The following ALX4 variants were observed in gnomAD, a reference collection of about 807,000 sequenced individuals.
The protein encoded by ALX4 is ALX homeobox 4.
In ALX4, 22 loss-of-function variants were observed where a neutral mutation model predicts 40.6. The observed-to-expected ratio is 0.54, with a 90% CI of 0.39 to 0.77. The LOEUF is 0.77. ALX4 is among the 30% of genes least tolerant of loss of function. The pLI is 0.00. For synonymous variants in ALX4, 266 were observed against 240.5 expected, an observed-to-expected ratio of 1.11 and a Z score of -0.98; for missense variants, 556 against 564.8, an observed-to-expected ratio of 0.98 and a Z score of 0.16.
intron 1 of ALX4, among the ~76,000 whole-genome samples, chr11:44,294,615 T>G (rs935948237): frequency 5.3e-5 from 8 of 152,044 alleles, no homozygotes; most frequent in African/African-American, 1.9e-4. Context: ...CACTCATCCA[T>G]GTTTTAAAAG....
intron 1 of ALX4, among the ~76,000 whole-genome samples, chr11:44,307,664 G>A (rs1030009968): frequency 6.6e-6 from 1 of 152,234 alleles, no homozygotes; most frequent in African/African-American, 2.4e-5. Flanking sequence ...TCTGCGACCT[G>A]CCCTCACCTA....
At chr11:44,300,171 G>A (rs1055448049) in intron 1 of ALX4, among the ~76,000 whole-genome samples, 1 of 152,176 alleles carries the variant, frequency 6.6e-6, no homozygotes, top group Non-Finnish European at 1.5e-5. Flanking sequence ...GGGGAAGAGT[G>A]TGGGGTCCTG....
intron 1 of ALX4, among the ~76,000 whole-genome samples, chr11:44,289,771 A>C (rs2119847758): frequency 6.6e-6 from 1 of 152,280 alleles, no homozygotes; most frequent in Middle Eastern, 3.4e-3. Context: ...TTCCAGCTTC[A>C]GTCTGGGCTC....
At chr11:44,282,783 G>A (rs1315915264) in intron 1 of ALX4, among the ~76,000 whole-genome samples, 1 of 151,298 alleles carries the variant, frequency 6.6e-6, no homozygotes, top group Non-Finnish European at 1.5e-5. Flanking sequence ...GCAAAACTAC[G>A]GGGACTCTAG....
chr11:44,307,281 G>T (rs1279192892), intron 1 of ALX4, among the ~76,000 whole-genome samples: 1 of 152,208 alleles, frequency 6.6e-6, no homozygotes, highest in Non-Finnish European at 1.5e-5. Flanking sequence ...TGCAGATGAG[G>T]AAACCGGGGT....
chr11:44,304,425 C>T (rs1461854354), intron 1 of ALX4, among the ~76,000 whole-genome samples: 2 of 152,182 alleles, frequency 1.3e-5, no homozygotes, highest in Non-Finnish European at 1.5e-5. Context: ...TCTCTTCTCT[C>T]CGGCATACAC....
chr11:44,278,410 G>A (rs1452419979), intron 1 of ALX4, among the ~76,000 whole-genome samples: 3 of 152,176 alleles, frequency 2.0e-5, no homozygotes, highest in African/African-American at 7.2e-5. Flanking sequence ...AGGAACCCAG[G>A]GGCCTCATAT....
chr11:44,294,378 G>T (rs910602990), intron 1 of ALX4, among the ~76,000 whole-genome samples: 1 of 152,204 alleles, frequency 6.6e-6, no homozygotes, highest in African/African-American at 2.4e-5. Context: ...TGATCAGAGA[G>T]GAACACAGCA....
chr11:44,280,564 T>C (rs186118964), intron 1 of ALX4, among the ~76,000 whole-genome samples: 1 of 152,288 alleles, frequency 6.6e-6, no homozygotes, highest in Admixed American at 6.5e-5. Flanking sequence ...CCTCCCATGA[T>C]GAGTTTGTCC....
chr11:44,266,756 C>T (rs1011392033), intron 3 of ALX4, among the ~76,000 whole-genome samples: 32 of 152,192 alleles, frequency 2.1e-4, no homozygotes, highest in African/African-American at 7.5e-4. Context: ...CTCTAAGCAT[C>T]CCATGTGCCT....
intron 1 of ALX4, among the ~76,000 whole-genome samples, chr11:44,303,923 C>G (rs1440145360): frequency 6.6e-6 from 1 of 152,172 alleles, no homozygotes; most frequent in African/African-American, 2.4e-5. Context: ...GGGGTGTCCC[C>G]GGTTTATACA....
intron 1 of ALX4, among the ~76,000 whole-genome samples, chr11:44,278,018 T>A (rs1460928922): frequency 6.6e-6 from 1 of 152,000 alleles, no homozygotes; most frequent in East Asian, 1.9e-4. Flanking sequence ...TAGGTTTTTT[T>A]TTTTTTTTTT....
intron 1 of ALX4, among the ~76,000 whole-genome samples, chr11:44,298,502 G>C (rs140886493): frequency 6.6e-6 from 1 of 152,196 alleles, no homozygotes; most frequent in African/African-American, 2.4e-5. Flanking sequence ...AGCACCCTGG[G>C]CAGGTGGCAG....
chr11:44,264,755 C>A lies in ALX4; in HGVS notation c.*99G>T. The A allele has an allele frequency of 7.2e-7, 1 of 1,397,652 alleles. No individual in the cohort carries two copies. The highest frequency in any genetic ancestry group is 9.8e-7 in the Non-Finnish European group (1 of 1,021,380). The allele number at this position is 1,397,652 out of a possible 1,614,324, so 86.6% of individuals were successfully genotyped here. On this transcript the variant is annotated 3_prime_UTR_variant, in exon 4 of 4. Coordinates refer to ENST00000652299, the MANE Select transcript of ALX4 (RefSeq NM_021926.4). ...TGAGGGTCAGGCCCCTGGCCCAGGC[C>A]AGGTTCCTAAGAGGAAAGTCGAGTG...
rs115077000 is a variant in ALX4 at position 44,297,108 on chromosome 11, C to T, written c.466+12489G>A. ...GGGTGGGGGGTCAAGGGTGTGATGGCGGTTCCCGTTTAATAGGTATGGAGT... is the reference window on the plus strand; with the variant it reads ...GGGTGGGGGGTCAAGGGTGTGATGGTGGTTCCCGTTTAATAGGTATGGAGT... On this transcript the variant is annotated intron_variant, in intron 1 of 3. Transcript: ENST00000652299. Among the ~76,000 whole-genome samples, 1,341 of 149,202 alleles carry T rather than the reference C, an allele frequency of 9.0e-3. 20 individuals are homozygous for T. The highest frequency in any genetic ancestry group is 0.031 in the African/African-American group (1,258 of 40,368).
rs550822655 is a variant in ALX4 at position 44,306,655 on chromosome 11, T to C, written c.466+2942A>G. ...CTGCCTCCGACTTTCCCAATGCTCC[T>C]GGGAGCGTCTAAGGATTTTTCCTTG... On this transcript the variant is annotated intron_variant, in intron 1 of 3. Coordinates refer to ENST00000652299, the MANE Select transcript of ALX4 (RefSeq NM_021926.4). 2.6e-5 allele frequency among the ~76,000 whole-genome samples: 4 copies of C among 152,368 alleles called. No homozygotes were observed. The South Asian group carries it at 8.3e-4, about 32-fold the overall frequency.
rs140652481 is a variant in ALX4 at position 44,265,055 on chromosome 11, G to A, written c.1035C>T (p.Ser345=). Residue 345 remains serine (S), a synonymous_variant, in exon 4 of 4, where the codon AGC becomes AGT. Coordinates refer to ENST00000652299, the MANE Select transcript of ALX4 (RefSeq NM_021926.4). The part of the protein sequence containing the change: ...HAHPPGSGAS[S]VTDFLSVSGA... ...CAGACACACTCAGGAAGTCGGTGAC[G>A]CTGCTGGCCCCAGAGCCAGGGGGGT... 1,830 of 1,613,056 alleles carry A rather than the reference G, an allele frequency of 1.1e-3. 1 individual carries two copies. The highest frequency in any genetic ancestry group is 1.5e-3 in the Non-Finnish European group (1,715 of 1,179,918).
At chr11:44,290,255 A>C (rs7939019) in intron 1 of ALX4, among the ~76,000 whole-genome samples, 1 of 152,216 alleles carries the variant, frequency 6.6e-6, no homozygotes, top group Non-Finnish European at 1.5e-5. Flanking sequence ...ACTTTCATCC[A>C]GAGGCTGGCG....
chr11:44,308,757 C>T (rs985448989), intron 1 of ALX4, among the ~76,000 whole-genome samples: 1 of 152,340 alleles, frequency 6.6e-6, no homozygotes, highest in Admixed American at 6.5e-5. Context: ...CAAATCAGGA[C>T]CCAGACCCTT....
Sources: allele counts gnomAD v4.1 joint callset (sites outside exome capture counted in the v4.1 genomes callset), GRCh38; gene constraint gnomAD v4.1.1; transcripts MANE v1.5; gene names NCBI Gene and HGNC (gene_info 2026-07-23, HGNC 2026-07-21).